LTBP1: variants seen among roughly 807,000 people sequenced by gnomAD.
LTBP1 encodes the protein latent-transforming growth factor beta-binding protein 1.
Under a neutral mutation model 207.6 loss-of-function variants are expected in LTBP1, and 129 were observed. The observed-to-expected ratio is 0.62, with a 90% CI of 0.54 to 0.72. LTBP1 has a LOEUF of 0.72. Among genes scored for constraint, LTBP1 ranks in the 30% least tolerant of loss-of-function variants. LTBP1 has a pLI of 0.00. For synonymous variants in LTBP1, 963 were observed against 833.7 expected (o/e 1.16, Z -2.67); for missense variants, 2,281 against 2,217.2 (o/e 1.03, Z -0.58).
chr2:33,387,712 G>T (rs1460234199), intron 31 of LTBP1, among the ~76,000 whole-genome samples: 1 of 149,330 alleles, frequency 6.7e-6, no homozygotes, highest in African/African-American at 2.5e-5. Context: ...AAGCCTTCAG[G>T]GTTCACAGTA....
Position 33,134,709 on chromosome 2 carries a change from T to A in LTBP1, c.1034-84T>A. The A allele has an allele frequency of 6.2e-7, 1 of 1,607,966 alleles. No individual in the cohort carries two copies. The highest frequency in any genetic ancestry group is 8.5e-7 in the Non-Finnish European group (1 of 1,178,172). On this transcript the variant is annotated intron_variant, in intron 4 of 33. Transcript: ENST00000404816. This position sits in a 1 kb window ranked among gnomAD's most constrained non-coding sequence, Gnocchi z 4.4. ...CTTGCTCCTTTCTTTTCTTTTTTTC[T>A]GTTTTTTTAAACCTTCCAAGGCAAG... is the stretch of plus-strand genomic sequence containing the variant.
At chr2:33,340,320 G>A (rs1468237688) in intron 24 of LTBP1, among the ~76,000 whole-genome samples, 1 of 151,888 alleles carries the variant, frequency 6.6e-6, no homozygotes, top group Non-Finnish European at 1.5e-5. Flanking sequence ...GGAGGATGGG[G>A]GATTTATCCC....
At chr2:33,014,612 T>C (rs1688109980) in intron 2 of LTBP1, among the ~76,000 whole-genome samples, 1 of 152,234 alleles carries the variant, frequency 6.6e-6, no homozygotes, top group African/African-American at 2.4e-5. Flanking sequence ...CTGTTTGCAC[T>C]GTGTGGACTG....
intron 24 of LTBP1, among the ~76,000 whole-genome samples, chr2:33,336,635 C>T (rs1439936988): frequency 6.6e-6 from 1 of 152,144 alleles, no homozygotes; most frequent in African/African-American, 2.4e-5. Context: ...AATGACACCC[C>T]CATTCCCACT....
chr2:33,082,870 G>A (rs1259416218), intron 3 of LTBP1, among the ~76,000 whole-genome samples: 2 of 151,994 alleles, frequency 1.3e-5, no homozygotes, highest in Non-Finnish European at 2.9e-5. Context: ...CGGTCACTGG[G>A]TGGGCATCTG....
intron 16 of LTBP1, 51 bp downstream of exon 16, chr2:33,273,832 T>A (rs1395744581): frequency 6.7e-7 from 1 of 1,492,308 alleles, no homozygotes; most frequent in Non-Finnish European, 9.0e-7. Flanking sequence ...CATTTGAACA[T>A]TAAGAACATT....
chr2:33,156,062 T>G (rs2147964455), intron 5 of LTBP1, among the ~76,000 whole-genome samples: 1 of 152,338 alleles, frequency 6.6e-6, no homozygotes, highest in Non-Finnish European at 1.5e-5. Flanking sequence ...CTCTTCCGTA[T>G]GCCCAGCACT....
intron 24 of LTBP1, among the ~76,000 whole-genome samples, chr2:33,331,867 G>A (rs1294854503): frequency 6.6e-6 from 1 of 151,978 alleles, no homozygotes; most frequent in African/African-American, 2.4e-5. Flanking sequence ...TGTTTTGAGA[G>A]TTTTGGGTTT....
intron 30 of LTBP1, 46 bp from the exon 31 acceptor site, chr2:33,365,286 AT>A: frequency 6.5e-7 from 1 of 1,541,570 alleles, no homozygotes; most frequent in Non-Finnish European, 8.9e-7. Flanking sequence ...GTGTTTATAA[AT>A]AGGAATAACT....
intron 20 of LTBP1, among the ~76,000 whole-genome samples, chr2:33,294,357 C>T (rs574243050): frequency 6.6e-6 from 1 of 151,662 alleles, no homozygotes; most frequent in African/African-American, 2.4e-5. Context: ...CCACCATGCC[C>T]AGCTAATTTT....
In LTBP1 at chr2:33,153,049, T is replaced by G. The variant is rs905079473; in HGVS notation, c.1201+18089T>G. Among the ~76,000 whole-genome samples, 9 of 152,354 alleles carry G rather than the reference T, an allele frequency of 5.9e-5. No individual in the cohort carries two copies. In the South Asian group the frequency reaches 8.3e-4, roughly 14 times the overall value. On this transcript the variant is annotated intron_variant, in intron 5 of 33. Coordinates refer to ENST00000404816, the MANE Select transcript of LTBP1 (RefSeq NM_206943.4). ...CATTTTGTTGAATATGAAACATATC[T>G]ACGCAGAGAATGCTAGAGTGTAAAT...
chr2:33,223,100 A>T lies in LTBP1; in HGVS notation c.1876+949A>T, dbSNP rs539693440. Among the ~76,000 whole-genome samples the T allele has an allele frequency of 9.8e-4, 149 of 152,340 alleles. 1 individual carries two copies. The highest frequency in any genetic ancestry group is 3.5e-3 in the African/African-American group (146 of 41,582). ...TATGTATTTAGGATACAGTAGATTAAGGTCATGTTACAGAGTATAGGTTAA... is the reference window on the plus strand; with the variant it reads ...TATGTATTTAGGATACAGTAGATTATGGTCATGTTACAGAGTATAGGTTAA... On this transcript the variant is annotated intron_variant, in intron 9 of 33. Transcript: ENST00000404816.
intron 9 of LTBP1, among the ~76,000 whole-genome samples, chr2:33,223,012 A>T (rs777528826): frequency 7.2e-5 from 11 of 152,208 alleles, no homozygotes; most frequent in Non-Finnish European, 1.6e-4. Context: ...ACCAAAAGCC[A>T]TGTTGAGAAC....
At chr2:33,066,106 C>G (rs1041659059) in intron 3 of LTBP1, among the ~76,000 whole-genome samples, 1 of 152,108 alleles carries the variant, frequency 6.6e-6, no homozygotes, top group Non-Finnish European at 1.5e-5. Flanking sequence ...ATATACCAAC[C>G]TATAATCAAT....
intron 9 of LTBP1, among the ~76,000 whole-genome samples, chr2:33,237,088 C>T (rs1348047356): frequency 1.3e-5 from 2 of 152,050 alleles, no homozygotes; most frequent in Non-Finnish European, 2.9e-5. Context: ...AATATAATCA[C>T]GAAGAGACTC....
Position 33,240,281 on chromosome 2 carries a change from G to GT in LTBP1, c.1877-3379dup, listed in dbSNP as rs1365326746. On this transcript the variant is annotated intron_variant, in intron 9 of 33. Transcript: ENST00000404816. ...CCATTCACCCATCACATTCCATACA[G>GT]TTGTTAAGTCTAAATAGAATTCTGG... Among the ~76,000 whole-genome samples, 4 of 152,156 alleles carry GT rather than the reference G, an allele frequency of 2.6e-5. No individual in the cohort carries two copies. The East Asian group carries it at 7.7e-4, about 29-fold the overall frequency.
intron 13 of LTBP1, among the ~76,000 whole-genome samples, 158 bp downstream of exon 13, chr2:33,259,768 A>G (rs1317516143): frequency 6.6e-6 from 1 of 152,146 alleles, no homozygotes; most frequent in African/African-American, 2.4e-5. Context: ...AAAAAAATTT[A>G]TTGAGCCATT....
intron 3 of LTBP1, among the ~76,000 whole-genome samples, chr2:33,078,772 A>T (rs999103765): frequency 6.6e-6 from 1 of 152,140 alleles, no homozygotes. Flanking sequence ...AGTCAGCTCA[A>T]TAAGGTGATT....
chr2:33,187,052 G>C lies in LTBP1; in HGVS notation c.1398G>C (p.Leu466=). ...TCCATTCAACACATACCTTGCCTCT[G>C]ACCGTGACTAGCCAGCAAGGAGTCA... ...HVIHSTHTLP[L]TVTSQQGVKV... Residue 466 remains leucine, a synonymous_variant, in exon 6 of 34, where the codon CTG becomes CTC. Coordinates refer to ENST00000404816, the MANE Select transcript of LTBP1 (RefSeq NM_206943.4). The C allele has an allele frequency of 6.2e-7, 1 of 1,614,142 alleles. No individual in the cohort carries two copies. Among genetic ancestry groups the C allele is most frequent in the South Asian group, 1.1e-5 (1 of 91,054 alleles).
Sources: gnomAD v4.1 joint callset for allele counts (sites outside exome capture counted in the v4.1 genomes callset) on GRCh38, gnomAD v4.1.1 for gene constraint, Gnocchi (gnomAD v3.1) non-coding constraint, MANE v1.5 for transcripts, NCBI Gene and HGNC (gene_info 2026-07-23, HGNC 2026-07-21) for gene names.